NRG1: variants seen among roughly 807,000 people sequenced by gnomAD.
NRG1 encodes neuregulin 1.
A neutral mutation model predicts 63.8 loss-of-function variants in NRG1; 18 were observed. That is an observed-to-expected ratio of 0.28 (90% CI 0.19 to 0.42). The LOEUF is 0.42. Ranked by LOEUF, NRG1 falls within the 10% of genes least tolerant of loss-of-function variation. The pLI, the probability that NRG1 is intolerant of heterozygous loss-of-function variation, is 1.00. For synonymous variants in NRG1, 302 were observed against 301.3 expected (o/e 1.00, Z -0.02); for missense variants, 762 against 814.7 (o/e 0.94, Z 0.79).
chr8:32,657,658 C>CTAAGAT (rs1278868687), intron 5 of NRG1, among the ~76,000 whole-genome samples: 1 of 152,170 alleles, frequency 6.6e-6, no homozygotes, highest in African/African-American at 2.4e-5. Flanking sequence ...ATGGAATGAT[C>CTAAGAT]TAAGGATAGT....
chr8:32,741,530 A>G (rs915621380), intron 6 of NRG1, among the ~76,000 whole-genome samples: 5 of 152,184 alleles, frequency 3.3e-5, no homozygotes, highest in African/African-American at 4.8e-5. Context: ...CTATTGTTTA[A>G]TGACTTAACT....
At chr8:32,185,869 G>T (rs1333827778) in intron 1 of NRG1, among the ~76,000 whole-genome samples, 1 of 152,136 alleles carries the variant, frequency 6.6e-6, no homozygotes, top group Non-Finnish European at 1.5e-5. Context: ...TATTATAAAA[G>T]TTACTGAGTT....
intron 1 of NRG1, among the ~76,000 whole-genome samples, chr8:32,079,839 G>A (rs1339045296): frequency 6.6e-6 from 1 of 151,994 alleles, no homozygotes; most frequent in Non-Finnish European, 1.5e-5. Flanking sequence ...AATATATCAA[G>A]GATTTATTAT....
intron 1 of NRG1, among the ~76,000 whole-genome samples, chr8:32,240,014 A>T (rs1439768765): frequency 2.0e-5 from 3 of 152,194 alleles, no homozygotes; most frequent in African/African-American, 7.2e-5. Context: ...AAAACTAAAC[A>T]TGTATTTACC....
chr8:32,728,559 G>T, intron 6 of NRG1: 1 of 985,148 alleles, frequency 1.0e-6, no homozygotes, highest in Middle Eastern at 5.2e-4. Flanking sequence ...TTACACTTGG[G>T]ATTGTCTTAC....
chr8:32,663,135 C>A (rs1382674592), intron 5 of NRG1, among the ~76,000 whole-genome samples: 2 of 152,260 alleles, frequency 1.3e-5, no homozygotes, highest in African/African-American at 2.4e-5. Flanking sequence ...TTTATGGTTT[C>A]TTTTTAATTC....
At chr8:32,682,861 T>C (rs1809051172) in intron 5 of NRG1, among the ~76,000 whole-genome samples, 1 of 152,150 alleles carries the variant, frequency 6.6e-6, no homozygotes, top group Non-Finnish European at 1.5e-5. Context: ...ATAGACCACA[T>C]GCTATTTTTA....
chr8:31,844,292 C>G lies in NRG1; in HGVS notation c.37+204861C>G, dbSNP rs149513676. ...CTGTGCTAAAGGGTTCAGTCAGCAG[C>G]CTTGCCAGTTCGGAATCCCCTAGAA... On this transcript the variant is annotated intron_variant, in intron 1 of 10. Transcript: ENST00000519301. 2.6e-3 allele frequency among the ~76,000 whole-genome samples: 391 copies of G among 152,272 alleles called. 2 individuals carry two copies. The highest frequency in any genetic ancestry group is 8.9e-3 in the African/African-American group (369 of 41,548).
At chr8:31,805,655 C>T (rs1466482296) in intron 1 of NRG1, among the ~76,000 whole-genome samples, 1 of 151,624 alleles carries the variant, frequency 6.6e-6, no homozygotes, top group Non-Finnish European at 1.5e-5. Context: ...GGTGAAACGC[C>T]GTGTCTACTA....
chr8:32,020,450 AATTTTTGTAC>A (rs1816245439), intron 1 of NRG1, among the ~76,000 whole-genome samples: 1 of 152,018 alleles, frequency 6.6e-6, no homozygotes, highest in Non-Finnish European at 1.5e-5. Context: ...TTTTCTTGCC[AATTTTTGTAC>A]ATTTTATTTC....
intron 1 of NRG1, among the ~76,000 whole-genome samples, chr8:32,484,450 G>T (rs1249498386): frequency 1.3e-5 from 2 of 152,210 alleles, no homozygotes; most frequent in Non-Finnish European, 2.9e-5. Context: ...ATAACATTCA[G>T]AAAATAGAGA....
At chr8:32,211,320 G>A (rs774202002) in intron 1 of NRG1, among the ~76,000 whole-genome samples, 5 of 152,116 alleles carry the variant, frequency 3.3e-5, no homozygotes, top group Non-Finnish European at 5.9e-5. Context: ...TCATTCACTA[G>A]TTGGCAGGTA....
chr8:32,721,893 T>C (rs1004430310), intron 5 of NRG1: 1 of 1,436,248 alleles, frequency 7.0e-7, no homozygotes, highest in East Asian at 2.7e-5. Flanking sequence ...AGCATTTTTT[T>C]CCCCAGTAGG....
chr8:32,437,683 A>G (rs1818962484), intron 1 of NRG1, among the ~76,000 whole-genome samples: 1 of 152,212 alleles, frequency 6.6e-6, no homozygotes, highest in South Asian at 2.1e-4. Context: ...GTTCTTATCC[A>G]TGAAGATGGT....
intron 1 of NRG1, among the ~76,000 whole-genome samples, chr8:32,509,196 G>A (rs958453376): frequency 6.6e-6 from 1 of 151,962 alleles, no homozygotes; most frequent in Non-Finnish European, 1.5e-5. Context: ...TCAAGCTCCT[G>A]TGCTCAGGTG....
chr8:32,771,739 T>TATAC (rs1831821885), downstream of NRG1, among the ~76,000 whole-genome samples: 1 of 142,080 alleles, frequency 7.0e-6, no homozygotes, highest in Non-Finnish European at 1.5e-5. Flanking sequence ...TATATATATA[T>TATAC]AGGCCTGGCA....
At chr8:32,616,923 C>T (rs1409473422) in intron 5 of NRG1, 38 bp downstream of exon 5, 3 of 1,434,162 alleles carry the variant, frequency 2.1e-6, no homozygotes, top group East Asian at 2.3e-5. Context: ...TGGTTTTTAA[C>T]CCAAGGCACT....
chr8:31,819,372 A>G (rs1044582159), intron 1 of NRG1, among the ~76,000 whole-genome samples: 2 of 152,236 alleles, frequency 1.3e-5, no homozygotes, highest in Non-Finnish European at 2.9e-5. Context: ...TAGACTCTGT[A>G]TGGTATAGGA....
chr8:31,663,655 T>C (rs567480468), intron 1 of NRG1, among the ~76,000 whole-genome samples: 23 of 152,310 alleles, frequency 1.5e-4, no homozygotes, highest in African/African-American at 5.1e-4. Context: ...TAACATTTTG[T>C]AGAGTTAGGA....
Sources: gnomAD v4.1 joint callset for allele counts (sites outside exome capture counted in the v4.1 genomes callset) on GRCh38, gnomAD v4.1.1 for gene constraint, MANE v1.5 for transcripts, NCBI Gene and HGNC (gene_info 2026-07-23, HGNC 2026-07-21) for gene names.